Variants in DOCK1 observed in about 807,000 individuals in gnomAD.
DOCK1 encodes the protein dedicator of cytokinesis 1, also known as dedicator of cytokinesis protein 1.
Under a neutral mutation model 262.7 loss-of-function variants are expected in DOCK1, and 138 were observed. The ratio of observed to expected loss-of-function variants is 0.53; its 90% CI spans 0.46 to 0.61. The LOEUF (loss-of-function observed/expected upper bound fraction) is 0.61, where lower values mean the gene tolerates loss of function less well. DOCK1 is among the 20% of genes least tolerant of loss of function. The pLI, the probability that DOCK1 is intolerant of heterozygous loss-of-function variation, is 0.00. For missense variants in DOCK1, 1,908 were observed against 2,370.7 expected, an observed-to-expected ratio of 0.80 and a Z score of 4.05; for synonymous variants, 866 against 867.4, an observed-to-expected ratio of 1.00 and a Z score of 0.03.
rs932989142 is a variant in DOCK1, at chr10:127,451,453, GT to G, written c.*27del. 1.9e-6 allele frequency: 3 copies of G among 1,556,878 alleles called. No individual in the cohort carries two copies. In the African/African-American group the frequency reaches 4.1e-5, roughly 21 times the overall value. Reference sequence around the variant, plus strand: ...CGTCGCAAGCCTCTCTGGAAAGAGTGTGCTGCCCCTCCCCATCTCCATGCCC... The same window carrying G: ...CGTCGCAAGCCTCTCTGGAAAGAGTGGCTGCCCCTCCCCATCTCCATGCCC... On this transcript the variant is annotated 3_prime_UTR_variant, in exon 52 of 52. Coordinates refer to ENST00000623213, the MANE Select transcript of DOCK1 (RefSeq NM_001290223.2).
chr10:127,337,864 G>A (rs141364248), intron 29 of DOCK1, among the ~76,000 whole-genome samples: 304 of 152,354 alleles, frequency 2.0e-3, no homozygotes, highest in Middle Eastern at 6.8e-3. Flanking sequence ...CGCAGTGTGA[G>A]CGTGAGAGAA....
intron 29 of DOCK1, among the ~76,000 whole-genome samples, chr10:127,323,153 C>T (rs541119474): frequency 6.6e-6 from 1 of 152,324 alleles, no homozygotes; most frequent in East Asian, 1.9e-4. Context: ...GTGTTCATCG[C>T]TTCCCTCTCT....
chr10:127,284,007 TTAATG>T (rs2061058429), intron 29 of DOCK1, among the ~76,000 whole-genome samples: 1 of 152,268 alleles, frequency 6.6e-6, no homozygotes. Flanking sequence ...AAAAAAATTG[TTAATG>T]TAATGGCAAA....
At chr10:127,418,231 C>A in intron 44 of DOCK1, 134 bp from the exon 45 acceptor site, 1 of 997,014 alleles carries the variant, frequency 1.0e-6, no homozygotes, top group Non-Finnish European at 1.4e-6. Context: ...TGCCCAGCCA[C>A]CCAAAAATTC....
At chr10:127,102,495 A>G (rs2048310013) in intron 23 of DOCK1, among the ~76,000 whole-genome samples, 1 of 152,218 alleles carries the variant, frequency 6.6e-6, no homozygotes, top group Non-Finnish European at 1.5e-5. Flanking sequence ...CCAGATAGCT[A>G]TGGAAATATT....
rs117153559 is a variant in DOCK1, at chr10:127,078,750, C to A, written c.2445+16974C>A. The stretch of plus-strand genomic sequence containing the variant: ...AGAACATGATGGAGTACTACTTAGC[C>A]ATAAAAAGGAATGAATTAAGGGCAT... On this transcript the variant is annotated intron_variant, in intron 23 of 51. Transcript: ENST00000623213. 2.8e-3 allele frequency among the ~76,000 whole-genome samples: 432 copies of A among 152,188 alleles called. 4 individuals carry two copies. In the East Asian group the frequency reaches 0.035, roughly 12 times the overall value.
At chr10:127,107,299 G>A (rs1450854322) in intron 24 of DOCK1, among the ~76,000 whole-genome samples, 2 of 152,068 alleles carry the variant, frequency 1.3e-5, no homozygotes, top group Admixed American at 6.6e-5. Context: ...GCGGTGAAAC[G>A]GAATAAAAAA....
chr10:127,092,646 T>C (rs2047606515), intron 23 of DOCK1, among the ~76,000 whole-genome samples: 1 of 151,966 alleles, frequency 6.6e-6, no homozygotes, highest in Non-Finnish European at 1.5e-5. Context: ...CACGCCTGGA[T>C]AATTTTTTTG....
intron 1 of DOCK1, among the ~76,000 whole-genome samples, chr10:126,944,474 C>G (rs1302111347): frequency 1.3e-5 from 2 of 151,886 alleles, no homozygotes; most frequent in Admixed American, 1.3e-4. Flanking sequence ...CACGAAGATG[C>G]GTATGGAAGC....
chr10:127,277,615 T>A (rs1488012133), intron 29 of DOCK1, among the ~76,000 whole-genome samples: 1 of 152,068 alleles, frequency 6.6e-6, no homozygotes. Context: ...AAAAAATTAT[T>A]AGCTGGGTGT....
chr10:127,321,423 C>T (rs192276625), intron 29 of DOCK1, among the ~76,000 whole-genome samples: 2 of 147,894 alleles, frequency 1.4e-5, no homozygotes, highest in Non-Finnish European at 3.0e-5. Flanking sequence ...CTTTTCTCAG[C>T]CTTCTTTTTT....
chr10:127,361,459 G>T (rs12763203), intron 32 of DOCK1, among the ~76,000 whole-genome samples: 4 of 151,942 alleles, frequency 2.6e-5, no homozygotes, highest in African/African-American at 9.7e-5. Flanking sequence ...ACAATAGCTC[G>T]AAAAGGTAGA....
At chr10:127,299,888 C>T (rs1003649973) in intron 29 of DOCK1, among the ~76,000 whole-genome samples, 1 of 152,216 alleles carries the variant, frequency 6.6e-6, no homozygotes, top group African/African-American at 2.4e-5. Flanking sequence ...ATCCTTTTCT[C>T]TTGCCTTTCT....
At chr10:127,300,240 G>A (rs966417625) in intron 29 of DOCK1, among the ~76,000 whole-genome samples, 2 of 152,220 alleles carry the variant, frequency 1.3e-5, no homozygotes, top group African/African-American at 2.4e-5. Context: ...TGCAAAGCAG[G>A]ATGTTGAAGA....
At chr10:127,307,652 T>C (rs947744641) in intron 29 of DOCK1, among the ~76,000 whole-genome samples, 4 of 152,176 alleles carry the variant, frequency 2.6e-5, no homozygotes, top group African/African-American at 9.6e-5. Flanking sequence ...TGGGCCTGGC[T>C]TCGCCTCATG....
At chr10:127,238,930 A>G (rs918994846) in intron 27 of DOCK1, among the ~76,000 whole-genome samples, 3 of 152,134 alleles carry the variant, frequency 2.0e-5, no homozygotes, top group Admixed American at 6.5e-5. Flanking sequence ...TCCATTTCTC[A>G]TGACCCATTC....
intron 23 of DOCK1, among the ~76,000 whole-genome samples, chr10:127,088,090 A>G (rs2047304233): frequency 1.3e-5 from 2 of 152,320 alleles, no homozygotes; most frequent in East Asian, 1.9e-4. Context: ...GATGGTGGCA[A>G]TTATAAATGT....
intron 27 of DOCK1, among the ~76,000 whole-genome samples, chr10:127,196,461 C>A (rs909259141): frequency 6.7e-6 from 1 of 148,474 alleles, no homozygotes; most frequent in Non-Finnish European, 1.5e-5. Flanking sequence ...GAGGAGGGAG[C>A]AGGAGGGAAG....
chr10:127,141,277 G>C (rs1023013131), intron 27 of DOCK1, among the ~76,000 whole-genome samples: 3 of 152,124 alleles, frequency 2.0e-5, no homozygotes. Flanking sequence ...GCATCTTCTC[G>C]AATGCAGGCA....
Sources: gnomAD v4.1 joint callset for allele counts (sites outside exome capture counted in the v4.1 genomes callset) on GRCh38, gnomAD v4.1.1 for gene constraint, MANE v1.5 for transcripts, NCBI Gene and HGNC (gene_info 2026-07-23, HGNC 2026-07-21) for gene names.